The following PLCXD2 variants were observed in gnomAD, a reference collection of about 807,000 sequenced individuals.
PLCXD2 encodes the protein PI-PLC X domain-containing protein 2.
A neutral mutation model predicts 28.6 loss-of-function variants in PLCXD2; 21 were observed. That is an observed-to-expected ratio of 0.73 (90% CI 0.52 to 1.06). PLCXD2 has a LOEUF of 1.06. Among genes scored for constraint, PLCXD2 ranks in the 50% least tolerant of loss-of-function variants. The probability of loss-of-function intolerance (pLI) is 0.00; values close to 1 mark genes in which losing one functional copy is unlikely to be tolerated. For synonymous variants in PLCXD2, 140 were observed against 150.1 expected (o/e 0.93, Z 0.49); for missense variants, 369 against 376.7 (o/e 0.98, Z 0.17).
chr3:111,726,076 G>A, intron 3 of PLCXD2: 1 of 389,972 alleles, frequency 2.6e-6, no homozygotes, highest in Admixed American at 4.4e-5. Flanking sequence ...CCCAGAACTT[G>A]GGACCAATAC....
At chr3:111,683,888 G>T (rs1352891176) in intron 1 of PLCXD2, among the ~76,000 whole-genome samples, 1 of 152,112 alleles carries the variant, frequency 6.6e-6, no homozygotes, top group African/African-American at 2.4e-5. Context: ...ACACAGTAAG[G>T]ATGCTCTAGA....
chr3:111,676,179 A>G (rs113166120), intron 1 of PLCXD2, among the ~76,000 whole-genome samples: 1 of 152,204 alleles, frequency 6.6e-6, no homozygotes, highest in African/African-American at 2.4e-5. Flanking sequence ...TTTTCTAGGG[A>G]AGGATATTTG....
intron 2 of PLCXD2, among the ~76,000 whole-genome samples, chr3:111,712,505 C>T (rs4502554): frequency 0.19 from 28,795 of 152,206 alleles, 4,763 homozygotes; most frequent in African/African-American, 0.45. Context: ...CATTAACACA[C>T]CGGTTTACCA....
intron 1 of PLCXD2, among the ~76,000 whole-genome samples, chr3:111,685,366 T>C (rs938650701): frequency 6.6e-6 from 1 of 152,200 alleles, no homozygotes. Context: ...CTGTATGAAT[T>C]CTCTCTTGGC....
At chr3:111,683,363 G>T (rs1321611061) in intron 1 of PLCXD2, among the ~76,000 whole-genome samples, 1 of 152,136 alleles carries the variant, frequency 6.6e-6, no homozygotes, top group Non-Finnish European at 1.5e-5. Flanking sequence ...GGGAAAGTAG[G>T]CAAGAACTAG....
intron 3 of PLCXD2, chr3:111,723,794 A>G (rs1387532618): frequency 6.6e-6 from 1 of 152,182 alleles, no homozygotes; most frequent in African/African-American, 2.4e-5. Flanking sequence ...ACTGCCAACA[A>G]TAAAATAGTG....
chr3:111,702,042 GC>G (rs781451884), intron 1 of PLCXD2, among the ~76,000 whole-genome samples: 2 of 152,204 alleles, frequency 1.3e-5, no homozygotes, highest in Admixed American at 1.3e-4. Flanking sequence ...TAGAAAGGAA[GC>G]TTTTGGTGTC....
At chr3:111,700,045 A>G (rs1559794751) in intron 1 of PLCXD2, among the ~76,000 whole-genome samples, 1 of 152,222 alleles carries the variant, frequency 6.6e-6, no homozygotes, top group Non-Finnish European at 1.5e-5. Flanking sequence ...GTAAGTATCA[A>G]GCCTGGGTAT....
At chr3:111,695,957 A>T (rs550929798) in intron 1 of PLCXD2, among the ~76,000 whole-genome samples, 1 of 152,334 alleles carries the variant, frequency 6.6e-6, no homozygotes, top group South Asian at 2.1e-4. Flanking sequence ...ATAAGAAGGG[A>T]CTACTATTTT....
At chr3:111,688,058 G>T (rs1940822217) in intron 1 of PLCXD2, among the ~76,000 whole-genome samples, 1 of 152,130 alleles carries the variant, frequency 6.6e-6, no homozygotes, top group African/African-American at 2.4e-5. Flanking sequence ...TAGGTTGTAG[G>T]CTCAAATCCT....
chr3:111,708,450 T>G, intron 2 of PLCXD2, 64 bp downstream of exon 2: 2 of 1,438,498 alleles, frequency 1.4e-6, no homozygotes, highest in Non-Finnish European at 1.9e-6. Flanking sequence ...TTTTCCTGTA[T>G]TGCCGTCTGT....
rs1559799097 is a variant in PLCXD2 at position 111,718,530 on chromosome 3, TA to T, written c.866+4403del. ...ATAGATAGATAGATAGATAGATAGATAGATTGATTGATTTATGATATGTGTT... is the reference window on the plus strand; with the variant it reads ...ATAGATAGATAGATAGATAGATAGATGATTGATTGATTTATGATATGTGTT... On this transcript the variant is annotated intron_variant, in intron 3 of 4. Transcript: ENST00000477665. Among the ~76,000 whole-genome samples, 44 of 92,090 alleles carry T rather than the reference TA, an allele frequency of 4.8e-4. 1 individual carries two copies. The highest frequency in any genetic ancestry group is 1.6e-3 in the African/African-American group (42 of 25,966). 60.4% of individuals were successfully genotyped at this position (92,090 alleles called of 152,430 possible). A position where few individuals can be genotyped will look rare whatever the true frequency, so the allele number is the denominator to read the frequency against.
chr3:111,700,035 G>A (rs183165260), intron 1 of PLCXD2, among the ~76,000 whole-genome samples: 116 of 152,320 alleles, frequency 7.6e-4, no homozygotes, highest in African/African-American at 2.7e-3. Flanking sequence ...ATTTGTGGCT[G>A]TAAGTATCAA....
At chr3:111,713,283 T>C (rs1413269651) in intron 2 of PLCXD2, among the ~76,000 whole-genome samples, 1 of 152,240 alleles carries the variant, frequency 6.6e-6, no homozygotes, top group Non-Finnish European at 1.5e-5. Context: ...AAAATACATA[T>C]TCATTTTTAC....
intron 2 of PLCXD2, among the ~76,000 whole-genome samples, chr3:111,710,955 G>T (rs1388685401): frequency 6.6e-6 from 1 of 152,144 alleles, no homozygotes; most frequent in Non-Finnish European, 1.5e-5. Flanking sequence ...TTAAGCATGG[G>T]CTAATTTAAC....
At chr3:111,708,567 A>G (rs936906887) in intron 2 of PLCXD2, among the ~76,000 whole-genome samples, 181 bp downstream of exon 2, 2 of 152,226 alleles carry the variant, frequency 1.3e-5, no homozygotes, top group Non-Finnish European at 2.9e-5. Flanking sequence ...GGCCAGGGCT[A>G]ACACCTGCCA....
At position 111,675,426 on chromosome 3, in the gene PLCXD2, C is replaced by T; in HGVS notation, c.163+18C>T. The T allele has an allele frequency of 6.2e-7, 1 of 1,613,648 alleles. No homozygotes were observed. Among genetic ancestry groups the T allele is most frequent in the South Asian group, 1.1e-5 (1 of 91,064 alleles). On this transcript the variant is annotated intron_variant, in intron 1 of 4. Transcript: ENST00000477665. ...AATCCCAGGTATTCGTCTATTCCTA[C>T]TTGTTCCCACTGTGTTTAATTCTGC...
At chr3:111,722,215 A>ATTTATTTATTTATTTG (rs1559799994) in intron 3 of PLCXD2, 1 of 151,748 alleles carries the variant, frequency 6.6e-6, no homozygotes, top group African/African-American at 2.4e-5. Flanking sequence ...TTATTTATTT[A>ATTTATTTATTTATTTG]TAGATTAAAT....
chr3:111,675,857 A>G (rs568906863), intron 1 of PLCXD2, among the ~76,000 whole-genome samples: 4 of 152,360 alleles, frequency 2.6e-5, no homozygotes, highest in African/African-American at 9.6e-5. Flanking sequence ...GGAAAAACAA[A>G]AAATGGATAA....
Sources: allele counts gnomAD v4.1 joint callset (sites outside exome capture counted in the v4.1 genomes callset), GRCh38; gene constraint gnomAD v4.1.1; transcripts MANE v1.5; gene names NCBI Gene and HGNC (gene_info 2026-07-23, HGNC 2026-07-21).